PAPPA2: variants seen among roughly 807,000 people sequenced by gnomAD.
The protein encoded by PAPPA2 is pappalysin 2, also known as pappalysin-2.
In PAPPA2, 86 loss-of-function variants were observed where a neutral mutation model predicts 176.4. The ratio of observed to expected loss-of-function variants is 0.49; its 90% CI spans 0.41 to 0.58. PAPPA2 has a LOEUF of 0.58. Ranked by LOEUF, PAPPA2 falls within the 20% of genes least tolerant of loss-of-function variation. PAPPA2 has a pLI of 0.00. For missense variants in PAPPA2, 2,073 were observed against 2,256.9 expected, an observed-to-expected ratio of 0.92 and a Z score of 1.65; for synonymous variants, 809 against 852.2, an observed-to-expected ratio of 0.95 and a Z score of 0.88.
At chr1:176,657,866 A>G (rs575145314) in intron 3 of PAPPA2, among the ~76,000 whole-genome samples, 2 of 152,130 alleles carry the variant, frequency 1.3e-5, no homozygotes, top group Non-Finnish European at 2.9e-5. Context: ...TAACATCCTA[A>G]TAGGGGATTC....
chr1:176,579,057 T>G (rs1652812273), intron 2 of PAPPA2, among the ~76,000 whole-genome samples: 1 of 152,160 alleles, frequency 6.6e-6, no homozygotes, highest in Non-Finnish European at 1.5e-5. Context: ...CATAACCCAC[T>G]CTATCTGGTC....
At chr1:176,735,102 G>C (rs12120225) in intron 12 of PAPPA2, among the ~76,000 whole-genome samples, 2 of 152,078 alleles carry the variant, frequency 1.3e-5, no homozygotes, top group African/African-American at 4.8e-5. Context: ...CAGAATCCTA[G>C]TTTCCTCTTA....
chr1:176,584,314 T>G (rs553314200), intron 2 of PAPPA2, among the ~76,000 whole-genome samples: 2 of 152,156 alleles, frequency 1.3e-5, no homozygotes, highest in African/African-American at 2.4e-5. Context: ...TATATCTGGG[T>G]GCTCTTGTAT....
chr1:176,510,430 G>A (rs921674246), intron 1 of PAPPA2, among the ~76,000 whole-genome samples: 4 of 152,022 alleles, frequency 2.6e-5, no homozygotes, highest in Non-Finnish European at 4.4e-5. Flanking sequence ...CATATCAAAT[G>A]AACATTTCTT....
chr1:176,699,053 C>A, intron 7 of PAPPA2, 47 bp from the exon 8 acceptor site: 1 of 1,557,848 alleles, frequency 6.4e-7, no homozygotes, highest in Non-Finnish European at 8.7e-7. Flanking sequence ...CATTTTCTGA[C>A]TTTTAATGGC....
intron 2 of PAPPA2, among the ~76,000 whole-genome samples, chr1:176,568,670 G>C (rs149563036): frequency 1.3e-5 from 2 of 152,254 alleles, no homozygotes; most frequent in African/African-American, 4.8e-5. Context: ...AGGAGTTCCT[G>C]TCTCACATCA....
At chr1:176,554,082 TCTTGGGGGA>T (rs1238505137) in intron 1 of PAPPA2, among the ~76,000 whole-genome samples, 3 of 152,098 alleles carry the variant, frequency 2.0e-5, no homozygotes, top group African/African-American at 7.2e-5. Flanking sequence ...GTTGATATCT[TCTTGGGGGA>T]CTTGCATCGA....
intron 12 of PAPPA2, among the ~76,000 whole-genome samples, chr1:176,738,817 A>T (rs1662534557): frequency 6.6e-6 from 1 of 152,146 alleles, no homozygotes; most frequent in Non-Finnish European, 1.5e-5. Flanking sequence ...TCATCTTCCA[A>T]ACTCTCTAAG....
chr1:176,842,325 A>T, intron 22 of PAPPA2, 55 bp from the exon 23 acceptor site: 3 of 1,492,388 alleles, frequency 2.0e-6, no homozygotes, highest in Non-Finnish European at 2.8e-6. Flanking sequence ...GCTCGTTTAA[A>T]AGTGTGAAGC....
At position 176,631,851 on chromosome 1, in the gene PAPPA2, A is replaced by T. The variant is rs539124821; in HGVS notation, c.1991+36256A>T. Among the ~76,000 whole-genome samples, 3 of 152,324 alleles carry T rather than the reference A, an allele frequency of 2.0e-5. No homozygotes were observed. In the East Asian group the frequency reaches 5.8e-4, roughly 29 times the overall value. On this transcript the variant is annotated intron_variant, in intron 3 of 22. Coordinates refer to ENST00000367662, the MANE Select transcript of PAPPA2 (RefSeq NM_020318.3). The stretch of plus-strand genomic sequence containing the variant: ...GGGGGAGACCACAGAACATTTTCAT[A>T]TGGAAAGAGCCAGGAGAATATAAAA...
chr1:176,570,703 TGA>T (rs902564850), intron 2 of PAPPA2, among the ~76,000 whole-genome samples: 1 of 149,866 alleles, frequency 6.7e-6, no homozygotes, highest in African/African-American at 2.4e-5. Flanking sequence ...GGTCCCTGGC[TGA>T]GGTCAGGCAG....
At chr1:176,587,085 C>T (rs1433481636) in intron 2 of PAPPA2, among the ~76,000 whole-genome samples, 1 of 149,766 alleles carries the variant, frequency 6.7e-6, no homozygotes, top group African/African-American at 2.4e-5. Flanking sequence ...TAAATGTCTT[C>T]TTTTGAGAAG....
At chr1:176,829,492 G>A (rs905547299) in intron 21 of PAPPA2, among the ~76,000 whole-genome samples, 4 of 152,202 alleles carry the variant, frequency 2.6e-5, no homozygotes, top group Non-Finnish European at 5.9e-5. Flanking sequence ...CTGGGGCTGT[G>A]GTGGAACATT....
intron 1 of PAPPA2, among the ~76,000 whole-genome samples, chr1:176,518,885 G>A (rs994442014): frequency 2.6e-5 from 4 of 151,752 alleles, no homozygotes; most frequent in Non-Finnish European, 5.9e-5. Context: ...AACTTAAAGG[G>A]CACTTAAAAA....
chr1:176,628,540 A>C (rs1337608280), intron 3 of PAPPA2, among the ~76,000 whole-genome samples: 1 of 152,140 alleles, frequency 6.6e-6, no homozygotes, highest in African/African-American at 2.4e-5. Context: ...TAGAAAACAA[A>C]AGCCTTTTGT....
chr1:176,738,947 G>A (rs1014961288), intron 12 of PAPPA2, among the ~76,000 whole-genome samples: 3 of 151,994 alleles, frequency 2.0e-5, no homozygotes, highest in Admixed American at 2.0e-4. Context: ...ACATTCCTGA[G>A]TGATACATGA....
At chr1:176,623,651 C>CTTTCTT (rs1655765626) in intron 3 of PAPPA2, among the ~76,000 whole-genome samples, 1 of 130,264 alleles carries the variant, frequency 7.7e-6, no homozygotes, top group African/African-American at 3.1e-5. Flanking sequence ...TTCTTTCTTT[C>CTTTCTT]TTTCTTTCTT....
In PAPPA2 at chr1:176,803,548, ATCAGGTCAGTCGG is replaced by A. The variant is rs549523502; in HGVS notation, c.5202+3420_5202+3432del. Among the ~76,000 whole-genome samples, 1,287 of 152,326 alleles carry A rather than the reference ATCAGGTCAGTCGG, an allele frequency of 8.4e-3. 9 individuals are homozygous for A. The highest frequency in any genetic ancestry group is 0.015 in the Admixed American group (227 of 15,296). ...AGACATCGATTGTGTCCAATCAGTCATCAGGTCAGTCGGTCACCAGATCATTATATGAGTAGCT... is the reference window on the plus strand; with the variant it reads ...AGACATCGATTGTGTCCAATCAGTCATCACCAGATCATTATATGAGTAGCT... On this transcript the variant is annotated intron_variant, in intron 21 of 22. Transcript: ENST00000367662.
chr1:176,711,312 G>A (rs1661130881), intron 11 of PAPPA2, among the ~76,000 whole-genome samples: 3 of 152,132 alleles, frequency 2.0e-5, no homozygotes, highest in Non-Finnish European at 2.9e-5. Context: ...AGGAAGCCAG[G>A]GAAGTTGGGA....
Sources: gnomAD v4.1 joint callset for allele counts (sites outside exome capture counted in the v4.1 genomes callset) on GRCh38, gnomAD v4.1.1 for gene constraint, MANE v1.5 for transcripts, NCBI Gene and HGNC (gene_info 2026-07-23, HGNC 2026-07-21) for gene names.